DLG2: variants seen among roughly 807,000 people sequenced by gnomAD.
The protein encoded by DLG2 is discs large MAGUK scaffold protein 2, also known as disks large homolog 2.
A neutral mutation model predicts 132.5 loss-of-function variants in DLG2; 45 were observed. The observed-to-expected ratio is 0.34, with a 90% CI of 0.27 to 0.44. The LOEUF is 0.44. Among genes scored for constraint, DLG2 ranks in the 20% least tolerant of loss-of-function variants. The probability of loss-of-function intolerance (pLI) is 1.00; values close to 1 mark genes in which losing one functional copy is unlikely to be tolerated. For missense variants in DLG2, 1,045 were observed against 1,196.9 expected (o/e 0.87, Z 1.87); for synonymous variants, 424 against 419.6 (o/e 1.01, Z -0.13).
At chr11:83,538,690 T>C (rs2095966110) in intron 20 of DLG2, among the ~76,000 whole-genome samples, 1 of 152,218 alleles carries the variant, frequency 6.6e-6, no homozygotes, top group Non-Finnish European at 1.5e-5. Context: ...CCTGGTGCAA[T>C]ACATGATCAG....
At chr11:83,941,596 G>C (rs1221219116) in intron 14 of DLG2, among the ~76,000 whole-genome samples, 1 of 151,964 alleles carries the variant, frequency 6.6e-6, no homozygotes, top group Non-Finnish European at 1.5e-5. Context: ...GTTTAGTCAT[G>C]TTGGCCAGTC....
At chr11:85,320,132 A>T (rs2080958327) in intron 3 of DLG2, among the ~76,000 whole-genome samples, 2 of 151,930 alleles carry the variant, frequency 1.3e-5, no homozygotes, top group African/African-American at 2.4e-5. Context: ...CCTCAGCATC[A>T]TCCTGTAGAT....
At chr11:84,444,332 T>C (rs968980013) in intron 7 of DLG2, among the ~76,000 whole-genome samples, 5 of 152,194 alleles carry the variant, frequency 3.3e-5, no homozygotes, top group African/African-American at 1.2e-4. Flanking sequence ...CATGTTTCCC[T>C]ATGTAACAAA....
chr11:85,308,155 AAAAATAAAATAAAAT>A (rs747745832), intron 3 of DLG2, among the ~76,000 whole-genome samples: 1 of 47,850 alleles, frequency 2.1e-5, no homozygotes, highest in African/African-American at 6.5e-5. Flanking sequence ...CTCTGTCTCA[AAAAATAAAATAAAAT>A]AAAATAAAAT....
chr11:84,409,200 C>T (rs1265942350), intron 7 of DLG2, among the ~76,000 whole-genome samples: 1 of 152,138 alleles, frequency 6.6e-6, no homozygotes, highest in Non-Finnish European at 1.5e-5. Context: ...CTCTGCAAAC[C>T]AGAGTACTAA....
At chr11:83,717,438 C>T (rs889766147) in intron 18 of DLG2, among the ~76,000 whole-genome samples, 2 of 152,102 alleles carry the variant, frequency 1.3e-5, no homozygotes, top group Non-Finnish European at 2.9e-5. Context: ...CTAAAAGTGG[C>T]CACTAGAGAA....
intron 4 of DLG2, among the ~76,000 whole-genome samples, chr11:85,231,438 TC>T (rs1321756671): frequency 1.3e-5 from 2 of 152,012 alleles, no homozygotes; most frequent in African/African-American, 4.8e-5. Context: ...GCTGGGATTT[TC>T]CACCAACTAT....
chr11:83,660,446 G>A (rs1254670443), intron 18 of DLG2, among the ~76,000 whole-genome samples: 1 of 152,190 alleles, frequency 6.6e-6, no homozygotes, highest in Admixed American at 6.5e-5. Flanking sequence ...TACCCAAAAA[G>A]TGAAAAGTTT....
At chr11:85,519,561 C>T (rs1276938995) in intron 3 of DLG2, among the ~76,000 whole-genome samples, 4 of 152,150 alleles carry the variant, frequency 2.6e-5, no homozygotes, top group African/African-American at 4.8e-5. Context: ...TACTCATAGG[C>T]AGAAGGGACT....
At chr11:85,445,865 G>A (rs1446905088) in intron 3 of DLG2, among the ~76,000 whole-genome samples, 1 of 152,118 alleles carries the variant, frequency 6.6e-6, no homozygotes, top group Non-Finnish European at 1.5e-5. Context: ...ACCATTGATG[G>A]AGGAAACCAT....
At chr11:84,629,270 G>A (rs1259231510) in intron 6 of DLG2, among the ~76,000 whole-genome samples, 1 of 152,152 alleles carries the variant, frequency 6.6e-6, no homozygotes, top group Non-Finnish European at 1.5e-5. Flanking sequence ...TCTGTTCAGA[G>A]TTCAAAAGTA....
At chr11:83,750,712 G>A (rs1327578680) in intron 18 of DLG2, among the ~76,000 whole-genome samples, 1 of 152,048 alleles carries the variant, frequency 6.6e-6, no homozygotes, top group African/African-American at 2.4e-5. Flanking sequence ...CCCCAAAAAA[G>A]TTAAATTTCC....
chr11:84,827,123 T>C (rs1375589837), intron 6 of DLG2, among the ~76,000 whole-genome samples: 1 of 151,800 alleles, frequency 6.6e-6, no homozygotes, highest in Non-Finnish European at 1.5e-5. Flanking sequence ...AATATATAGT[T>C]GAGGAAAATG....
Position 85,016,548 on chromosome 11 carries a change from C to T in DLG2, c.357+95113G>A, listed in dbSNP as rs183430390. On this transcript the variant is annotated intron_variant, in intron 6 of 27. Coordinates refer to ENST00000376104, the MANE Select transcript of DLG2 (RefSeq NM_001142699.3). ...CAACTCTTCAGCAAAATCCAAATCCCAGATAAATACTGCATCTGGTCTCTC... is the reference window on the plus strand; with the variant it reads ...CAACTCTTCAGCAAAATCCAAATCCTAGATAAATACTGCATCTGGTCTCTC... 9.5e-4 allele frequency among the ~76,000 whole-genome samples: 145 copies of T among 152,196 alleles called. 1 individual carries two copies. Among genetic ancestry groups the T allele is most frequent in the African/African-American group, 3.3e-3 (136 of 41,532 alleles).
rs575317373 is a variant in DLG2, at chr11:84,816,125, G to C, written c.358-281394C>G. On this transcript the variant is annotated intron_variant, in intron 6 of 27. Coordinates refer to ENST00000376104, the MANE Select transcript of DLG2 (RefSeq NM_001142699.3). Reference sequence around the variant, plus strand: ...ACCAGGGGGTTGCTGGCTCATTTTAGATTACAAATGCAACACCTTTTTGAG... The same window carrying C: ...ACCAGGGGGTTGCTGGCTCATTTTACATTACAAATGCAACACCTTTTTGAG... 5.4e-4 allele frequency among the ~76,000 whole-genome samples: 82 copies of C among 152,124 alleles called. 2 individuals are homozygous for C. In the South Asian group the frequency reaches 0.016, roughly 30 times the overall value.
intron 4 of DLG2, among the ~76,000 whole-genome samples, chr11:85,168,108 A>G (rs551889649): frequency 2.4e-4 from 37 of 152,284 alleles, no homozygotes; most frequent in African/African-American, 8.7e-4. Flanking sequence ...TGTTGATTCA[A>G]TATACATGTA....
intron 7 of DLG2, among the ~76,000 whole-genome samples, chr11:84,265,521 T>C (rs967246002): frequency 6.6e-6 from 1 of 152,198 alleles, no homozygotes; most frequent in Non-Finnish European, 1.5e-5. Flanking sequence ...TATGTCTTAC[T>C]GTTTAACCAT....
chr11:84,450,317 T>A (rs1240553364), intron 7 of DLG2, among the ~76,000 whole-genome samples: 2 of 151,622 alleles, frequency 1.3e-5, no homozygotes, highest in Non-Finnish European at 3.0e-5. Flanking sequence ...TCAGAGAACA[T>A]TAGCCCATGA....
At chr11:85,601,260 G>C (rs2080135544) in intron 2 of DLG2, among the ~76,000 whole-genome samples, 1 of 151,930 alleles carries the variant, frequency 6.6e-6, no homozygotes, top group African/African-American at 2.4e-5. Flanking sequence ...CTCCTGCCTT[G>C]ACCTCCCAAA....
Sources: allele counts gnomAD v4.1 joint callset (sites outside exome capture counted in the v4.1 genomes callset), GRCh38; gene constraint gnomAD v4.1.1; transcripts MANE v1.5; gene names NCBI Gene and HGNC (gene_info 2026-07-23, HGNC 2026-07-21).